Variants in HNF1A observed in about 807,000 individuals in gnomAD.
HNF1A encodes HNF1 homeobox A, also known as hepatocyte nuclear factor 1-alpha.
Under a neutral mutation model 62.2 loss-of-function variants are expected in HNF1A, and 21 were observed. That is an observed-to-expected ratio of 0.34 (90% CI 0.24 to 0.49). The LOEUF is 0.49. HNF1A is among the 20% of genes least tolerant of loss of function. HNF1A has a pLI of 0.99. For synonymous variants in HNF1A, 374 were observed against 366.8 expected, an observed-to-expected ratio of 1.02 and a Z score of -0.22; for missense variants, 687 against 832.3, an observed-to-expected ratio of 0.83 and a Z score of 2.15.
At chr12:121,000,540 C>T (rs769527864) in intron 9 of HNF1A, 7 of 201,596 alleles carry the variant, frequency 3.5e-5, no homozygotes, top group Non-Finnish European at 7.1e-5. Flanking sequence ...CCCGTGTCTG[C>T]GGGGGGCTGG....
chr12:121,000,671 C>T (rs1877395379), intron 9 of HNF1A: 4 of 294,696 alleles, frequency 1.4e-5, no homozygotes, highest in Non-Finnish European at 2.7e-5. Flanking sequence ...GGAGGCCCAC[C>T]CATATTTTCA....
intron 1 of HNF1A, among the ~76,000 whole-genome samples, chr12:120,987,585 T>TAA (rs144561525): frequency 5.3e-3 from 88 of 16,600 alleles, no homozygotes; most frequent in Middle Eastern, 0.083. Flanking sequence ...GAAGCATTTT[T>TAA]AAAAATATAT....
rs61680384 is a variant in HNF1A at position 120,983,916 on chromosome 12, C to CTGTGTG, written c.326+4850_326+4855dup. On this transcript the variant is annotated intron_variant, in intron 1 of 9. Transcript: ENST00000257555. ...AAAAATAGTCAGGCCCTTGAAGACT[C>CTGTGTG]TGTGTGTGTGTGTGTGTGTGTGTGT... Among the ~76,000 whole-genome samples, 362 of 137,360 alleles carry CTGTGTG rather than the reference C, an allele frequency of 2.6e-3. 2 individuals carry two copies. Among genetic ancestry groups the CTGTGTG allele is most frequent in the South Asian group, 0.016 (66 of 4,258 alleles). The allele number at this position is 137,360 out of a possible 152,430, so 90.1% of individuals were successfully genotyped here. A position where few individuals can be genotyped will look rare whatever the true frequency, so the allele number is the denominator to read the frequency against.
chr12:120,993,791 A>AAC (rs1216215605), intron 3 of HNF1A, 85 bp downstream of exon 3: 2 of 1,412,290 alleles, frequency 1.4e-6, no homozygotes, highest in Middle Eastern at 2.0e-4. Context: ...AGGTCCTGTA[A>AAC]AAGGCTGTCC....
rs1877558866 is a variant in HNF1A, at chr12:121,002,382, T to C, written c.*1190T>C. ...CTGCTGCTGAGAACCTGGCCTTCAG[T>C]GTACCGCGTCTACCCTGGGATTCAG... is the stretch of plus-strand genomic sequence containing the variant. On this transcript the variant is annotated 3_prime_UTR_variant, in exon 10 of 10. Transcript: ENST00000257555. The C allele has an allele frequency of 3.9e-6, 2 of 513,680 alleles. No individual in the cohort carries two copies. The highest frequency in any genetic ancestry group is 7.5e-6 in the Non-Finnish European group (2 of 267,376). The allele number at this position is 513,680 out of a possible 1,614,324, so 31.8% of individuals were successfully genotyped here. A position where few individuals can be genotyped will look rare whatever the true frequency, so the allele number is the denominator to read the frequency against.
rs553436041 is a variant in HNF1A at position 120,995,217 on chromosome 12, C to T, written c.955+812C>T. The stretch of plus-strand genomic sequence containing the variant: ...CTACTACATTCAACTCTACTCCATC[C>T]ACTCCATACTCTATTCCATCCACTT... On this transcript the variant is annotated intron_variant, in intron 4 of 9. Transcript: ENST00000257555. Among the ~76,000 whole-genome samples the T allele has an allele frequency of 2.1e-3, 321 of 151,646 alleles. 3 individuals carry two copies. Among genetic ancestry groups the T allele is most frequent in the African/African-American group, 7.4e-3 (306 of 41,330 alleles).
Position 120,996,703 on chromosome 12 carries a change from C to G in HNF1A, c.1270C>G (p.Pro424Ala). The G allele has an allele frequency of 1.9e-6, 3 of 1,614,114 alleles. No individual in the cohort carries two copies. The highest frequency in any genetic ancestry group is 2.5e-6 in the Non-Finnish European group (3 of 1,180,016). Residue 424 changes from proline to alanine, a missense_variant, in exon 6 of 10, where the codon CCT becomes GCT. Around this residue, in one of 5 missense-constraint regions of HNF1A, gnomAD observed 408 missense variants for 455.3 expected, o/e 0.90. Transcript: ENST00000257555. This position sits in a 1 kb window ranked among gnomAD's most constrained non-coding sequence, Gnocchi z 4.5. ...IGPGEPASLG[P>A]TFTNTGASTL... ...GCCTGGTGAGCCTGCCTCCCTGGGTCCTACGTTCACCAACACAGGTGCCTC... is the reference window on the plus strand; with the variant it reads ...GCCTGGTGAGCCTGCCTCCCTGGGTGCTACGTTCACCAACACAGGTGCCTC...
chr12:120,992,757 C>G (rs1252303338), intron 2 of HNF1A, among the ~76,000 whole-genome samples: 1 of 152,052 alleles, frequency 6.6e-6, no homozygotes, highest in Non-Finnish European at 1.5e-5. Context: ...AGAAGGAGAC[C>G]CCATCTCTCC....
At chr12:121,000,622 G>C in intron 9 of HNF1A, 1 of 233,948 alleles carries the variant, frequency 4.3e-6, no homozygotes, top group South Asian at 5.8e-5. Context: ...TCCTTCTCTG[G>C]GAAACCGGTT....
intron 8 of HNF1A, 36 bp from the exon 9 acceptor site, chr12:120,999,447 A>T: frequency 6.2e-7 from 1 of 1,613,552 alleles, no homozygotes; most frequent in African/African-American, 1.3e-5. Flanking sequence ...TCACCCCCAC[A>T]TCCCCCGGGC....
intron 1 of HNF1A, chr12:120,979,649 C>T (rs1876147314): frequency 6.3e-6 from 1 of 157,604 alleles, no homozygotes; most frequent in Non-Finnish European, 1.4e-5. Context: ...GGAGCTGCTC[C>T]CCTTTCCTGT....
intron 3 of HNF1A, 62 bp from the exon 4 acceptor site, chr12:120,994,102 C>A (rs1278253306): frequency 1.3e-6 from 2 of 1,585,018 alleles, no homozygotes; most frequent in African/African-American, 1.3e-5. Context: ...CCCTCCCCTT[C>A]ATGCCCAGGA....
At chr12:120,992,360 G>T (rs958529591) in intron 2 of HNF1A, among the ~76,000 whole-genome samples, 2 of 152,160 alleles carry the variant, frequency 1.3e-5, no homozygotes, top group African/African-American at 4.8e-5. Flanking sequence ...ACTTTCAGTT[G>T]AATGACTCTT....
At position 121,001,849 on chromosome 12, in the gene HNF1A, C is replaced by T. The variant is rs1260910366; in HGVS notation, c.*657C>T. The stretch of plus-strand genomic sequence containing the variant: ...GGGAAGGCAGGCAGGGCTCTCCTGG[C>T]TTCCCATCCCCAGCGATTCCCTCTC... On this transcript the variant is annotated 3_prime_UTR_variant, in exon 10 of 10. Transcript: ENST00000257555. The T allele has an allele frequency of 4.6e-5, 24 of 526,484 alleles. 1 individual carries two copies. The highest frequency in any genetic ancestry group is 3.3e-4 in the South Asian group (21 of 63,820). 32.6% of individuals were successfully genotyped at this position (526,484 alleles called of 1,614,324 possible).
chr12:120,999,527 C>T lies in HNF1A; in HGVS notation c.1668C>T (p.His556=), dbSNP rs1462707457. The T allele has an allele frequency of 9.9e-6, 16 of 1,613,416 alleles. No homozygotes were observed. The East Asian group carries it at 3.6e-4, about 36-fold the overall frequency. Residue 556 remains histidine (H), a synonymous_variant, in exon 9 of 10, where the codon CAC becomes CAT. Coordinates refer to ENST00000257555, the MANE Select transcript of HNF1A (RefSeq NM_000545.8). ...AGGCCTCCAGTGAGTCCGGGCTTCA[C>T]ACGCCGGCATCTCAGGCCACCACCC... ...DTEASSESGL[H]TPASQATTLH...
chr12:120,991,636 TATGTATGC>T (rs1565884940), intron 2 of HNF1A, among the ~76,000 whole-genome samples: 23 of 119,590 alleles, frequency 1.9e-4, no homozygotes, highest in African/African-American at 7.0e-4. Context: ...ATGATGTATG[TATGTATGC>T]ATGCATGCAT....
chr12:120,981,696 A>G (rs1475947398), intron 1 of HNF1A, among the ~76,000 whole-genome samples: 1 of 152,120 alleles, frequency 6.6e-6, no homozygotes, highest in East Asian at 1.9e-4. Flanking sequence ...TCCATCCAAA[A>G]GGGGGCCCCA....
chr12:120,999,183 T>C, intron 7 of HNF1A, 85 bp from the exon 8 acceptor site: 2 of 1,538,730 alleles, frequency 1.3e-6, no homozygotes, highest in Non-Finnish European at 1.8e-6. Context: ...GCAGGCCCCA[T>C]GCCCCCCTTT....
chr12:120,990,424 T>C (rs545517782), intron 2 of HNF1A, among the ~76,000 whole-genome samples: 23 of 152,224 alleles, frequency 1.5e-4, no homozygotes, highest in South Asian at 8.3e-4. Context: ...CCACCGCGCC[T>C]GGCCTTAATT....
Sources: allele counts gnomAD v4.1 joint callset (sites outside exome capture counted in the v4.1 genomes callset), GRCh38; gene constraint gnomAD v4.1.1; regional missense constraint gnomAD v4.1.1; non-coding constraint Gnocchi (gnomAD v3.1); transcripts MANE v1.5; gene names NCBI Gene and HGNC (gene_info 2026-07-23, HGNC 2026-07-21).